Variants in POM121 observed in about 807,000 individuals in gnomAD.
POM121 encodes POM121 transmembrane nucleoporin.
Under a neutral mutation model 81.3 loss-of-function variants are expected in POM121, and 32 were observed. The ratio of observed to expected loss-of-function variants is 0.39; its 90% confidence interval spans 0.30 to 0.53. The LOEUF (loss-of-function observed/expected upper bound fraction) is 0.53, where lower values mean the gene tolerates loss of function less well. POM121 is among the 20% of genes least tolerant of loss of function. The probability of loss-of-function intolerance (pLI) is 0.66; values close to 1 mark genes in which losing one functional copy is unlikely to be tolerated. For missense variants in POM121, 1,138 were observed against 1,614.6 expected, an observed-to-expected ratio of 0.70 and a Z score of 5.06; for synonymous variants, 514 against 694.2, an observed-to-expected ratio of 0.74 and a Z score of 4.08.
intron 4 of POM121, 116 bp downstream of exon 4, chr7:72,928,581 A>G: frequency 7.8e-7 from 1 of 1,275,072 alleles, no homozygotes; most frequent in East Asian, 2.3e-5. Flanking sequence ...GTTCAGGTTC[A>G]CGTCTTTGAA....
chr7:72,939,080 A>G (rs2429275), intron 6 of POM121, among the ~76,000 whole-genome samples: 6 of 152,192 alleles, frequency 3.9e-5, no homozygotes, highest in South Asian at 2.1e-4. Flanking sequence ...CAGGGACTTG[A>G]TAGGTTGTAA....
intron 3 of POM121, among the ~76,000 whole-genome samples, chr7:72,892,102 G>A (rs1453463382): frequency 6.6e-6 from 1 of 152,228 alleles, no homozygotes; most frequent in African/African-American, 2.4e-5. Context: ...TTTCATAAGT[G>A]AATGTCGGTT....
At chr7:72,881,670 C>T (rs1273950858) in intron 1 of POM121, among the ~76,000 whole-genome samples, 4 of 151,832 alleles carry the variant, frequency 2.6e-5, no homozygotes, top group Non-Finnish European at 4.4e-5. Context: ...TGCTCTGTTG[C>T]CGAGGCTGCA....
chr7:72,948,156 C>G lies in POM121; in HGVS notation c.*1922C>G, dbSNP rs533393986. 6.8e-5 allele frequency: 97 copies of G among 1,429,824 alleles called. 1 individual carries two copies. Among genetic ancestry groups the G allele is most frequent in the Non-Finnish European group, 6.4e-5 (70 of 1,097,816 alleles). The allele number at this position is 1,429,824 out of a possible 1,614,324, so 88.6% of individuals were successfully genotyped here. A position where few individuals can be genotyped will look rare whatever the true frequency, so the allele number is the denominator to read the frequency against. ...AATGAGTGTGGATGTGTACAGTACA[C>G]GCACTGGACGGCAGCGGGAGGCTGG... On this transcript the variant is annotated 3_prime_UTR_variant, in exon 13 of 13. Coordinates refer to ENST00000434423, the MANE Select transcript of POM121 (RefSeq NM_001387691.1).
chr7:72,905,679 GAC>G (rs1204041753), intron 3 of POM121, among the ~76,000 whole-genome samples: 6 of 152,194 alleles, frequency 3.9e-5, no homozygotes, highest in Admixed American at 3.9e-4. Flanking sequence ...CAGCCTGGGC[GAC>G]AGAGCGAGAT....
At chr7:72,911,908 T>G (rs1693336423) in intron 3 of POM121, among the ~76,000 whole-genome samples, 1 of 152,256 alleles carries the variant, frequency 6.6e-6, no homozygotes, top group African/African-American at 2.4e-5. Flanking sequence ...TCTATTTTTT[T>G]AAGAGCAGGG....
intron 3 of POM121, among the ~76,000 whole-genome samples, chr7:72,901,653 C>T (rs1258606322): frequency 6.6e-6 from 1 of 151,630 alleles, no homozygotes; most frequent in African/African-American, 2.4e-5. Context: ...GTGCCTGGCC[C>T]GACTCAGGCT....
In POM121 at chr7:72,937,340, C is replaced by T. The variant is rs534093135; in HGVS notation, c.1276-1250C>T. Among the ~76,000 whole-genome samples the T allele has an allele frequency of 1.3e-3, 202 of 151,892 alleles. 1 individual carries two copies. The highest frequency in any genetic ancestry group is 2.8e-3 in the Admixed American group (43 of 15,252). ...AGGGATCTGAAGTGATTGAAAATGC[C>T]GCTTATATATTCAATCCTTGGATCC... On this transcript the variant is annotated intron_variant, in intron 5 of 12. Coordinates refer to ENST00000434423, the MANE Select transcript of POM121 (RefSeq NM_001387691.1).
chr7:72,926,664 T>G (rs191842443), intron 2 of POM121, 138 bp from the exon 3 acceptor site: 5 of 1,478,908 alleles, frequency 3.4e-6, no homozygotes, highest in Non-Finnish European at 4.6e-6. Flanking sequence ...TAGCTTTACT[T>G]GCTAACGGGA....
chr7:72,929,311 A>T (rs1554498138), intron 4 of POM121, among the ~76,000 whole-genome samples: 1 of 152,202 alleles, frequency 6.6e-6, no homozygotes, highest in East Asian at 1.9e-4. Context: ...CGTGGGTGAA[A>T]GAGGAAATAC....
chr7:72,920,473 C>T (rs782573456), upstream of POM121, among the ~76,000 whole-genome samples: 9 of 151,568 alleles, frequency 5.9e-5, no homozygotes, highest in Non-Finnish European at 1.0e-4. Flanking sequence ...CTCAGCCTCC[C>T]GAGTAGCTGG....
rs190699923 is a variant in POM121, at chr7:72,909,936, T to C, written c.-215-3829T>C. ...TGTTGGGATTACAGGCATGAGCCAC[T>C]GCACCCAGCCCTGGAGGCCAGTTTG... On this transcript the variant is annotated intron_variant, in intron 3 of 15. Coordinates refer to the POM121 transcript ENST00000395270. 7.2e-5 allele frequency among the ~76,000 whole-genome samples: 11 copies of C among 152,256 alleles called. 1 individual carries two copies. In the South Asian group the frequency reaches 1.2e-3, roughly 17 times the overall value.
At chr7:72,910,095 G>GA (rs535368229) in intron 3 of POM121, among the ~76,000 whole-genome samples, 11 of 150,932 alleles carry the variant, frequency 7.3e-5, no homozygotes, top group African/African-American at 1.7e-4. Flanking sequence ...TCCCATTTAG[G>GA]AAAAAAAAAG....
At chr7:72,921,052 G>A (rs538303529), upstream of POM121, among the ~76,000 whole-genome samples, 3 of 152,200 alleles carry the variant, frequency 2.0e-5, no homozygotes, top group Non-Finnish European at 2.9e-5. Flanking sequence ...TGTGGTGGCG[G>A]GTGCCTGTAA....
chr7:72,929,187 G>A (rs1415000302), intron 4 of POM121, among the ~76,000 whole-genome samples: 1 of 152,184 alleles, frequency 6.6e-6, no homozygotes, highest in Non-Finnish European at 1.5e-5. Flanking sequence ...GAGGAGAAAA[G>A]TCTCAGGGGG....
chr7:72,883,716 C>T (rs540838172), intron 1 of POM121, among the ~76,000 whole-genome samples: 2 of 151,712 alleles, frequency 1.3e-5, no homozygotes, highest in East Asian at 3.9e-4. Context: ...ATGTTCAGTT[C>T]TTTTCACACA....
Position 72,942,348 on chromosome 7 carries a change from C to CT in POM121, c.2357dup (p.Leu786PhefsTer134). ...GCATGGGGCCACCTGCATCTGTGCC[C>CT]TTGCCTGCTCCCTTCTTCAAGCAGA... is the stretch of plus-strand genomic sequence containing the variant. On this transcript the variant is annotated frameshift_variant, in exon 11 of 13. Transcript: ENST00000434423. LOFTEE classifies it high-confidence loss of function. The CT allele has an allele frequency of 6.3e-7, 1 of 1,594,606 alleles. No homozygotes were observed. The highest frequency in any genetic ancestry group is 8.5e-7 in the Non-Finnish European group (1 of 1,176,472).
intron 3 of POM121, among the ~76,000 whole-genome samples, chr7:72,909,804 T>C (rs1205127153): frequency 6.6e-6 from 1 of 152,172 alleles, no homozygotes; most frequent in Non-Finnish European, 1.5e-5. Flanking sequence ...CACACTACCA[T>C]GCCCAGCTAA....
At chr7:72,928,567 A>G in intron 4 of POM121, 102 bp downstream of exon 4, 1 of 1,408,076 alleles carries the variant, frequency 7.1e-7, no homozygotes, top group South Asian at 1.2e-5. Flanking sequence ...GCATTGCTTA[A>G]TTGGTTCAGG....
Sources: gnomAD v4.1 joint callset for allele counts (sites outside exome capture counted in the v4.1 genomes callset) on GRCh38, gnomAD v4.1.1 for gene constraint, MANE v1.5 for transcripts, NCBI Gene and HGNC (gene_info 2026-07-23, HGNC 2026-07-21) for gene names.